The following BFSP1 variants were observed in gnomAD, a reference collection of about 807,000 sequenced individuals.
BFSP1 encodes the protein beaded filament structural protein 1.
A neutral mutation model predicts 43.9 loss-of-function variants in BFSP1; 38 were observed. That is an observed-to-expected ratio of 0.87 (90% CI 0.67 to 1.14). The LOEUF (loss-of-function observed/expected upper bound fraction) is 1.14. Ranked by LOEUF, BFSP1 falls within the 50% of genes most tolerant of loss-of-function variation. The probability of loss-of-function intolerance (pLI) is 0.00; values close to 1 mark genes in which losing one functional copy is unlikely to be tolerated. For missense variants in BFSP1, 850 were observed against 875.1 expected (o/e 0.97, Z 0.36); for synonymous variants, 352 against 354.8 (o/e 0.99, Z 0.09).
chr20:17,494,559 GCA>G lies in BFSP1; in HGVS notation c.1511_1512del (p.Val504AlafsTer3), dbSNP rs759737972. On this transcript the variant is annotated frameshift_variant, in exon 8 of 8. Coordinates refer to ENST00000377873, the MANE Select transcript of BFSP1 (RefSeq NM_001195.5). LOFTEE classifies it low-confidence loss of function (END_TRUNC). ...GAGGGCTCCACCTGGCCGTCATAAA[GCA>G]CAGAGTCTTCCGCAACAGAAACAGC... ...GVAVSVAEDS[V>X]LYDGQVEPSP... is the part of the protein sequence containing the mutation. 32 of 1,614,076 alleles carry G rather than the reference GCA, an allele frequency of 2.0e-5. No homozygotes were observed. Among genetic ancestry groups the G allele is most frequent in the Admixed American group, 1.7e-4 (10 of 60,000 alleles).
At chr20:17,501,256 T>C (rs150507067) in intron 5 of BFSP1, among the ~76,000 whole-genome samples, 2 of 152,288 alleles carry the variant, frequency 1.3e-5, no homozygotes, top group East Asian at 1.9e-4. Context: ...TAAGTGAAAA[T>C]GTAGCTTTCA....
At chr20:17,557,464 C>T (rs79299986) in intron 1 of BFSP1, among the ~76,000 whole-genome samples, 2,266 of 152,216 alleles carry the variant, frequency 0.015, 75 homozygotes, top group African/African-American at 0.052. Flanking sequence ...TCTCTGCCCC[C>T]CTATGTCCCC....
chr20:17,527,888 T>C (rs1429953927), intron 1 of BFSP1, among the ~76,000 whole-genome samples: 1 of 152,244 alleles, frequency 6.6e-6, no homozygotes, highest in Non-Finnish European at 1.5e-5. Context: ...ATTTGAATAA[T>C]TGACTCTGTT....
Position 17,528,447 on chromosome 20 carries a change from T to A in BFSP1, c.377+2506A>T, listed in dbSNP as rs2034466026. ...GCCAACACAAAGGCCATCCAGGGAA[T>A]CTTGATGGTCCATCAAGCTGCCCCG... is the stretch of plus-strand genomic sequence containing the variant. On this transcript the variant is annotated intron_variant, in intron 1 of 7. Coordinates refer to ENST00000377873, the MANE Select transcript of BFSP1 (RefSeq NM_001195.5). Among the ~76,000 whole-genome samples the A allele has an allele frequency of 4.6e-5, 7 of 152,192 alleles. No individual in the cohort carries two copies. In the South Asian group the frequency reaches 1.4e-3, roughly 31 times the overall value.
intron 7 of BFSP1, among the ~76,000 whole-genome samples, chr20:17,496,565 C>T (rs540962292): frequency 3.3e-5 from 5 of 152,340 alleles, no homozygotes; most frequent in African/African-American, 4.8e-5. Flanking sequence ...CCAGTGTTCA[C>T]TTACTGCCGA....
intron 2 of BFSP1, among the ~76,000 whole-genome samples, chr20:17,516,144 C>A (rs1037213046): frequency 2.6e-5 from 4 of 152,114 alleles, no homozygotes; most frequent in Non-Finnish European, 5.9e-5. Flanking sequence ...GCCTGACCAA[C>A]ATGGAGAACT....
rs1294461976 is a variant in BFSP1, at chr20:17,495,232, CTCTGG to C, written c.1043-208_1043-204del. Among the ~76,000 whole-genome samples, 7 of 152,200 alleles carry C rather than the reference CTCTGG, an allele frequency of 4.6e-5. No homozygotes were observed. In the East Asian group the frequency reaches 1.3e-3, roughly 29 times the overall value. On this transcript the variant is annotated intron_variant, in intron 7 of 7. Coordinates refer to ENST00000377873, the MANE Select transcript of BFSP1 (RefSeq NM_001195.5). ...CCCAGGCTGAGGTCCAGCTGGGCGA[CTCTGG>C]ACAAGTCACTGGATGCCTTTGGGCT... is the stretch of plus-strand genomic sequence containing the variant.
intron 2 of BFSP1, among the ~76,000 whole-genome samples, chr20:17,520,217 CA>C (rs66930618): frequency 0.03 from 4,258 of 141,122 alleles, 105 homozygotes; most frequent in South Asian, 0.074. Context: ...CGTGCCCCCC[CA>C]CCCCGCCCAC....
intron 1 of BFSP1, chr20:17,558,598 T>C: frequency 2.9e-6 from 4 of 1,392,228 alleles, no homozygotes; most frequent in Non-Finnish European, 4.0e-6. Flanking sequence ...CTGTACCTTC[T>C]ACGGGAGTTT....
chr20:17,531,353 G>A lies in BFSP1; in HGVS notation c.-24C>T. On this transcript the variant is annotated 5_prime_UTR_variant, in exon 1 of 8. Coordinates refer to ENST00000377873, the MANE Select transcript of BFSP1 (RefSeq NM_001195.5). ...ATGGCTGCTCTGGCGCGGGCGCGCG[G>A]GCGGCGCCGAGCCGGCTCTCCAGGA... is the stretch of plus-strand genomic sequence containing the variant. 7.3e-7 allele frequency: 1 copy of A among 1,363,506 alleles called. No individual in the cohort carries two copies. Among genetic ancestry groups the A allele is most frequent in the Non-Finnish European group, 9.4e-7 (1 of 1,064,626 alleles). 84.5% of individuals were successfully genotyped at this position (1,363,506 alleles called of 1,614,324 possible).
intron 2 of BFSP1, chr20:17,517,341 C>A: frequency 1.0e-6 from 1 of 1,001,432 alleles, no homozygotes; most frequent in Non-Finnish European, 1.5e-6. Context: ...CATGAACTAA[C>A]AAACAAAACA....
chr20:17,531,384 C>G (rs1030510090), upstream of BFSP1: 1 of 1,291,030 alleles, frequency 7.7e-7, no homozygotes, highest in East Asian at 3.3e-5. Context: ...CAGGAGGCCC[C>G]CGGCGCAGCC....
At chr20:17,518,406 C>A (rs571481265) in intron 2 of BFSP1, among the ~76,000 whole-genome samples, 115 of 152,244 alleles carry the variant, frequency 7.6e-4, no homozygotes, top group African/African-American at 2.4e-3. Flanking sequence ...ATCCTGCGAC[C>A]CAGGGACAGT....
At chr20:17,519,233 T>C (rs1014312415) in intron 2 of BFSP1, among the ~76,000 whole-genome samples, 2 of 152,174 alleles carry the variant, frequency 1.3e-5, no homozygotes, top group East Asian at 1.9e-4. Context: ...TTACAAATTT[T>C]AGAAATAGAA....
chr20:17,556,230 C>T (rs554308794), intron 1 of BFSP1, among the ~76,000 whole-genome samples: 80 of 152,170 alleles, frequency 5.3e-4, no homozygotes, highest in African/African-American at 1.9e-3. Flanking sequence ...CAGCCGGGTG[C>T]AGTGGCTCGT....
chr20:17,563,707 T>C (rs547983246), upstream of BFSP1, among the ~76,000 whole-genome samples: 1 of 151,714 alleles, frequency 6.6e-6, no homozygotes, highest in Admixed American at 6.6e-5. Context: ...CATAGGGAGA[T>C]CTTGTTTCCA....
At chr20:17,509,939 T>C (rs1479192898) in intron 4 of BFSP1, among the ~76,000 whole-genome samples, 1 of 152,196 alleles carries the variant, frequency 6.6e-6, no homozygotes, top group Non-Finnish European at 1.5e-5. Flanking sequence ...CTCGAAGCCA[T>C]GCAAAATCAA....
chr20:17,555,288 CAAAAAAAAAAA>C lies in BFSP1; in HGVS notation c.2+3389_2+3399del, dbSNP rs929219257. Reference sequence around the variant, plus strand: ...GGTGACAGAGTGAGATCCTATCTCACAAAAAAAAAAAAAAAAAAAAAAAGAATAGTACAAAG... The same window carrying C: ...GGTGACAGAGTGAGATCCTATCTCACAAAAAAAAAAAAGAATAGTACAAAG... On this transcript the variant is annotated intron_variant, in intron 1 of 7. Transcript: ENST00000377868. Among the ~76,000 whole-genome samples the C allele has an allele frequency of 7.0e-3, 310 of 44,126 alleles. 1 individual carries two copies. The highest frequency in any genetic ancestry group is 0.027 in the African/African-American group (296 of 11,088). The allele number at this position is 44,126 out of a possible 152,430, so 28.9% of individuals were successfully genotyped here.
At chr20:17,565,774 TTTACAATAA>T (rs1305394928) in intron 1 of BFSP1, 1 of 152,184 alleles carries the variant, frequency 6.6e-6, no homozygotes, top group Non-Finnish European at 1.5e-5. Context: ...GTTTGAATCT[TTTACAATAA>T]AACTACACTT....
Sources: gnomAD v4.1 joint callset for allele counts (sites outside exome capture counted in the v4.1 genomes callset) on GRCh38, gnomAD v4.1.1 for gene constraint, MANE v1.5 for transcripts, NCBI Gene and HGNC (gene_info 2026-07-23, HGNC 2026-07-21) for gene names.